DCLK1: variants seen among roughly 807,000 people sequenced by gnomAD.
DCLK1 encodes doublecortin like kinase 1.
DCLK1 carries 16 observed loss-of-function variants against 86.2 expected under a neutral mutation model. The observed-to-expected ratio is 0.19, with a 90% CI of 0.13 to 0.28. The LOEUF is 0.28. DCLK1 is among the 10% of genes least tolerant of loss of function. The probability of loss-of-function intolerance (pLI) is 1.00; values close to 1 mark genes in which losing one functional copy is unlikely to be tolerated. For missense variants in DCLK1, 590 were observed against 940.2 expected, an observed-to-expected ratio of 0.63 and a Z score of 4.87; for synonymous variants, 369 against 370.5, an observed-to-expected ratio of 1.00 and a Z score of 0.05.
chr13:36,038,120 T>C (rs1203202891), intron 3 of DCLK1, among the ~76,000 whole-genome samples: 1 of 152,184 alleles, frequency 6.6e-6, no homozygotes, highest in Non-Finnish European at 1.5e-5. Flanking sequence ...CAAGAGACCA[T>C]CAACCTCATC....
At chr13:35,893,867 G>C (rs1378853514) in intron 4 of DCLK1, among the ~76,000 whole-genome samples, 1 of 152,096 alleles carries the variant, frequency 6.6e-6, no homozygotes, top group African/African-American at 2.4e-5. Flanking sequence ...CTTATTGGTA[G>C]CCTATAAATT....
intron 4 of DCLK1, among the ~76,000 whole-genome samples, chr13:35,889,759 C>T (rs988314174): frequency 6.6e-6 from 1 of 152,084 alleles, no homozygotes; most frequent in Non-Finnish European, 1.5e-5. Flanking sequence ...TCTCCTATTA[C>T]CTTGATTACT....
intron 3 of DCLK1, among the ~76,000 whole-genome samples, chr13:36,081,948 C>A (rs2138113931): frequency 6.6e-6 from 1 of 152,252 alleles, no homozygotes; most frequent in East Asian, 1.9e-4. Context: ...TCCTGCAAAC[C>A]AAGGCATTGG....
intron 3 of DCLK1, among the ~76,000 whole-genome samples, chr13:36,111,004 T>A (rs908847727): frequency 3.9e-5 from 6 of 151,930 alleles, no homozygotes; most frequent in African/African-American, 1.2e-4. Context: ...GTAATTTTTT[T>A]TTTTTATTTT....
At chr13:35,938,956 G>A (rs1876925859) in intron 4 of DCLK1, among the ~76,000 whole-genome samples, 1 of 152,200 alleles carries the variant, frequency 6.6e-6, no homozygotes, top group African/African-American at 2.4e-5. Flanking sequence ...TTTCTAAGTA[G>A]AAAATTATCT....
At chr13:35,863,565 T>C (rs1267741807) in intron 5 of DCLK1, among the ~76,000 whole-genome samples, 1 of 152,218 alleles carries the variant, frequency 6.6e-6, no homozygotes, top group Admixed American at 6.5e-5. Flanking sequence ...GAGCCTTACA[T>C]GCAGCCAGAA....
At chr13:35,829,762 C>T (rs1348305404) in intron 8 of DCLK1, among the ~76,000 whole-genome samples, 2 of 152,142 alleles carry the variant, frequency 1.3e-5, no homozygotes, top group Non-Finnish European at 2.9e-5. Flanking sequence ...CACTAGAGGG[C>T]TTTGGGGTTC....
chr13:35,961,747 TA>T (rs1878474022), intron 3 of DCLK1, among the ~76,000 whole-genome samples: 1 of 152,160 alleles, frequency 6.6e-6, no homozygotes, highest in Admixed American at 6.5e-5. Flanking sequence ...AACAGCAATT[TA>T]AAGGTTTAAA....
At chr13:35,800,041 T>C (rs2153100822) in intron 15 of DCLK1, among the ~76,000 whole-genome samples, 1 of 152,354 alleles carries the variant, frequency 6.6e-6, no homozygotes, top group Non-Finnish European at 1.5e-5. Context: ...GAGCTGGTGA[T>C]ACACATATTA....
intron 10 of DCLK1, among the ~76,000 whole-genome samples, chr13:35,824,845 C>A (rs1363825779): frequency 6.6e-6 from 1 of 152,198 alleles, no homozygotes; most frequent in Non-Finnish European, 1.5e-5. Context: ...GACCCTCACA[C>A]TCCAGGATAT....
intron 3 of DCLK1, among the ~76,000 whole-genome samples, chr13:36,067,856 G>A (rs1460143502): frequency 2.6e-5 from 4 of 152,130 alleles, no homozygotes; most frequent in Admixed American, 2.0e-4. Context: ...TATGCTAAAT[G>A]AGAAGAGTCT....
chr13:35,960,716 C>T (rs1305729026), intron 3 of DCLK1, among the ~76,000 whole-genome samples: 4 of 152,144 alleles, frequency 2.6e-5, no homozygotes, highest in Admixed American at 2.6e-4. Flanking sequence ...CTCAGCCTCT[C>T]AAAGTGCTGG....
intron 3 of DCLK1, among the ~76,000 whole-genome samples, chr13:36,060,568 C>T (rs1926335): frequency 0.29 from 43,690 of 151,902 alleles, 6,334 homozygotes; most frequent in Middle Eastern, 0.34. Context: ...TGTGTCCTAG[C>T]GTGTGTGTTG....
intron 2 of DCLK1, among the ~76,000 whole-genome samples, chr13:36,124,187 A>T (rs1886089529): frequency 6.6e-6 from 1 of 152,244 alleles, no homozygotes; most frequent in Admixed American, 6.5e-5. Flanking sequence ...CTTTGCGTAT[A>T]ACTTTTATCC....
chr13:35,881,388 C>A (rs1872891614), intron 4 of DCLK1, among the ~76,000 whole-genome samples: 1 of 152,176 alleles, frequency 6.6e-6, no homozygotes, highest in African/African-American at 2.4e-5. Context: ...TACATCTTCC[C>A]CATACCAACT....
At chr13:35,980,660 G>T (rs1002179759) in intron 3 of DCLK1, among the ~76,000 whole-genome samples, 10 of 152,044 alleles carry the variant, frequency 6.6e-5, no homozygotes, top group African/African-American at 2.4e-4. Context: ...ACGTGGGCTG[G>T]GTGCGGGGAT....
chr13:35,944,332 C>T (rs1028354773), intron 4 of DCLK1, among the ~76,000 whole-genome samples: 2 of 152,168 alleles, frequency 1.3e-5, no homozygotes, highest in East Asian at 1.9e-4. Context: ...CACAGCCCTG[C>T]GCAGGGCAAG....
chr13:36,034,726 G>A (rs9546218), intron 3 of DCLK1, among the ~76,000 whole-genome samples: 100,702 of 151,926 alleles, frequency 0.66, 33,553 homozygotes, highest in Middle Eastern at 0.71. Context: ...TCACTCATCA[G>A]TTTCCAAGGT....
chr13:36,088,703 A>G (rs534797932), intron 3 of DCLK1, among the ~76,000 whole-genome samples: 7 of 152,344 alleles, frequency 4.6e-5, no homozygotes, highest in African/African-American at 1.2e-4. Context: ...ATGTACCTTG[A>G]GATTCCAGGG....
Sources: allele counts gnomAD v4.1 joint callset (sites outside exome capture counted in the v4.1 genomes callset), GRCh38; gene constraint gnomAD v4.1.1; transcripts MANE v1.5; gene names NCBI Gene and HGNC (gene_info 2026-07-23, HGNC 2026-07-21).